The following CIMIP2C variants were observed in gnomAD, a reference collection of about 807,000 sequenced individuals.
The protein encoded by CIMIP2C is ciliary microtubule inner protein 2C.
At chr2:26,576,623 G>A in the CIMIP2C span, among the ~76,000 whole-genome samples, 4 of 152,144 alleles carry the variant, frequency 2.6e-5, no homozygotes, top group Admixed American at 6.5e-5. Context: ...CCAGCCCCAC[G>A]GCATTTATCC....
chr2:26,577,442 G>A, the CIMIP2C span: 2 of 1,343,506 alleles, frequency 1.5e-6, no homozygotes, highest in Non-Finnish European at 2.1e-6. Flanking sequence ...GGTGCAGCGA[G>A]GCATGGACTG....
chr2:26,578,738 T>C, the CIMIP2C span: 1 of 471,006 alleles, frequency 2.1e-6, no homozygotes, highest in African/African-American at 2.0e-5. Context: ...CCCATCACTG[T>C]GGGGAGAGCG....
At chr2:26,567,816 G>C in the CIMIP2C span, among the ~76,000 whole-genome samples, 1 of 152,196 alleles carries the variant, frequency 6.6e-6, no homozygotes, top group Non-Finnish European at 1.5e-5. Context: ...AGATTCTGAT[G>C]TCATTGGTTG....
the CIMIP2C span, chr2:26,579,240 A>G: frequency 1.8e-5 from 28 of 1,594,504 alleles, no homozygotes; most frequent in Non-Finnish European, 2.3e-5. Context: ...GTGGGCACGC[A>G]CCACCTTCCT....
chr2:26,577,429 C>T, the CIMIP2C span: 2 of 1,280,648 alleles, frequency 1.6e-6, no homozygotes, highest in Non-Finnish European at 2.2e-6. Flanking sequence ...CCAACCCTGC[C>T]CAGGTGCAGC....
At chr2:26,576,280 C>T in the CIMIP2C span, 1 of 1,324,374 alleles carries the variant, frequency 7.6e-7, no homozygotes, top group Non-Finnish European at 1.0e-6. Context: ...GCACCTGCCA[C>T]AGTGTCTTGA....
chr2:26,569,894 T>C, the CIMIP2C span, among the ~76,000 whole-genome samples: 1 of 152,182 alleles, frequency 6.6e-6, no homozygotes, highest in Non-Finnish European at 1.5e-5. Flanking sequence ...TACCTTGGCC[T>C]GCCACGTATC....
the CIMIP2C span, chr2:26,572,014 T>C: frequency 8.1e-7 from 1 of 1,227,180 alleles, no homozygotes; most frequent in African/African-American, 1.6e-5. Flanking sequence ...GAGATATTAG[T>C]ACAAAAAGAT....
the CIMIP2C span, among the ~76,000 whole-genome samples, chr2:26,573,930 G>A: frequency 6.6e-6 from 1 of 152,226 alleles, no homozygotes; most frequent in South Asian, 2.1e-4. Context: ...GACTCACTTT[G>A]TGTGAGCTTC....
chr2:26,570,371 C>T, the CIMIP2C span, among the ~76,000 whole-genome samples: 1 of 152,252 alleles, frequency 6.6e-6, no homozygotes, highest in Non-Finnish European at 1.5e-5. Context: ...GACTCCAGGG[C>T]ATGGTGCCCC....
the CIMIP2C span, chr2:26,578,681 G>A: frequency 1.1e-5 from 5 of 463,862 alleles, no homozygotes; most frequent in African/African-American, 2.0e-5. Context: ...CTCTCCTGGG[G>A]ACAGGTATCC....
the CIMIP2C span, chr2:26,576,007 C>A: frequency 1.2e-6 from 2 of 1,614,182 alleles, no homozygotes; most frequent in East Asian, 2.2e-5. Context: ...TGGAGAAGAG[C>A]CACACTCCCT....
the CIMIP2C span, among the ~76,000 whole-genome samples, chr2:26,564,921 G>T: frequency 6.6e-6 from 1 of 152,188 alleles, no homozygotes; most frequent in African/African-American, 2.4e-5. Context: ...TGCTGGGCTG[G>T]AGCCAGGTCC....
the CIMIP2C span, among the ~76,000 whole-genome samples, chr2:26,571,215 C>T: frequency 6.6e-6 from 1 of 152,050 alleles, no homozygotes; most frequent in African/African-American, 2.4e-5. Flanking sequence ...GGAATGGGTC[C>T]CTGAAAAGAG....
At chr2:26,571,333 G>A in the CIMIP2C span, among the ~76,000 whole-genome samples, 1 of 152,174 alleles carries the variant, frequency 6.6e-6, no homozygotes, top group African/African-American at 2.4e-5. Flanking sequence ...ACTTGTCATG[G>A]AGCTCCTCCA....
the CIMIP2C span, among the ~76,000 whole-genome samples, chr2:26,566,815 G>A: frequency 2.0e-5 from 3 of 152,140 alleles, no homozygotes; most frequent in Non-Finnish European, 4.4e-5. Context: ...AACCTCCTGG[G>A]CTCAAGTGAT....
At chr2:26,576,237 G>C in the CIMIP2C span, 1 of 1,553,726 alleles carries the variant, frequency 6.4e-7, no homozygotes, top group Non-Finnish European at 8.7e-7. Flanking sequence ...ACCACGGGAA[G>C]GGAGTGATGG....
chr2:26,569,722 C>T, the CIMIP2C span, among the ~76,000 whole-genome samples: 1 of 152,224 alleles, frequency 6.6e-6, no homozygotes, highest in African/African-American at 2.4e-5. Flanking sequence ...CGGCTTGGCA[C>T]AGTCTCCTGG....
At chr2:26,570,473 CAGA>C in the CIMIP2C span, among the ~76,000 whole-genome samples, 589 of 152,324 alleles carry the variant, frequency 3.9e-3, 1 homozygote, top group Middle Eastern at 0.014. Context: ...CACGGATTAG[CAGA>C]AGAAGAGACA....
Sources: gnomAD v4.1 joint callset for allele counts (sites outside exome capture counted in the v4.1 genomes callset) on GRCh38, gnomAD v4.1.1 for gene constraint, MANE v1.5 for transcripts, NCBI Gene and HGNC (gene_info 2026-07-23, HGNC 2026-07-21) for gene names.